Variants in ZFP3 observed in about 807,000 individuals in gnomAD.
The protein encoded by ZFP3 is ZFP3 zinc finger protein, also known as zinc finger protein 3 homolog.
Under a neutral mutation model 36.7 loss-of-function variants are expected in ZFP3, and 18 were observed. The ratio of observed to expected loss-of-function variants is 0.49; its 90% CI spans 0.34 to 0.73. The LOEUF (loss-of-function observed/expected upper bound fraction) is 0.73, where lower values mean the gene tolerates loss of function less well. ZFP3 is among the 30% of genes least tolerant of loss of function. The probability of loss-of-function intolerance (pLI) is 0.01; values close to 1 mark genes in which losing one functional copy is unlikely to be tolerated. For missense variants in ZFP3, 495 were observed against 599.0 expected (o/e 0.83, Z 1.81); for synonymous variants, 218 against 199.0 (o/e 1.10, Z -0.81).
chr17:5,082,820 C>T (rs1248059444), intron 1 of ZFP3, among the ~76,000 whole-genome samples: 3 of 152,092 alleles, frequency 2.0e-5, no homozygotes, highest in African/African-American at 7.2e-5. Flanking sequence ...GTGCCCAGTC[C>T]CAACAGAATT....
At position 5,094,564 on chromosome 17, in the gene ZFP3, T is replaced by C. The variant is rs1011861933; in HGVS notation, c.*1551T>C. 1 of 167,088 alleles carries C rather than the reference T, an allele frequency of 6.0e-6. No homozygotes were observed. Among genetic ancestry groups the C allele is most frequent in the Non-Finnish European group, 1.5e-5 (1 of 68,110 alleles). 10.4% of individuals were successfully genotyped at this position (167,088 alleles called of 1,614,324 possible). On this transcript the variant is annotated 3_prime_UTR_variant, in exon 2 of 2. Transcript: ENST00000318833. ...CACCTGCTGGTCTCCAATTTTCTCC[T>C]CTGTAAAATGAAAGAGTTGAACTAA...
Position 5,093,174 on chromosome 17 carries a change from ACT to A in ZFP3, c.*162_*163del, listed in dbSNP as rs1491152236. ...AATAGTTGGTTGAAGAAGATGAGGC[ACT>A]TTTTTTTTTTTTTTTTTAAGCATTG... On this transcript the variant is annotated 3_prime_UTR_variant, in exon 2 of 2. Transcript: ENST00000318833. The A allele has an allele frequency of 1.4e-5, 8 of 552,648 alleles. No individual in the cohort carries two copies. Among genetic ancestry groups the A allele is most frequent in the Non-Finnish European group, 2.1e-5 (8 of 379,632 alleles). 34.2% of individuals were successfully genotyped at this position (552,648 alleles called of 1,614,324 possible). A position where few individuals can be genotyped will look rare whatever the true frequency, so the allele number is the denominator to read the frequency against.
chr17:5,087,546 G>T (rs536442451), intron 1 of ZFP3, among the ~76,000 whole-genome samples: 4 of 152,036 alleles, frequency 2.6e-5, no homozygotes, highest in African/African-American at 7.3e-5. Flanking sequence ...CTCAAATTAG[G>T]ATAATTTGAG....
At position 5,092,647 on chromosome 17, in the gene ZFP3, T is replaced by C; in HGVS notation, c.1143T>C (p.Leu381=). 3 of 1,614,140 alleles carry C rather than the reference T, an allele frequency of 1.9e-6. No homozygotes were observed. Among genetic ancestry groups the C allele is most frequent in the Non-Finnish European group, 2.5e-6 (3 of 1,180,016 alleles). Residue 381 remains leucine, a synonymous_variant, in exon 2 of 2, where the codon CTT becomes CTC. Coordinates refer to ENST00000318833, the MANE Select transcript of ZFP3 (RefSeq NM_153018.3). This position sits in a 1 kb window ranked among gnomAD's most constrained non-coding sequence, Gnocchi z 5.0. ...CCTTCAGGGGGAACTCAGAACTTCT[T>C]AGACATGAGAGAATTCACACTGGAG... The part of the protein sequence containing the change: ...GKAFRGNSEL[L]RHERIHTGEK...
intron 1 of ZFP3, among the ~76,000 whole-genome samples, chr17:5,082,080 C>T (rs1286752080): frequency 6.7e-6 from 1 of 149,222 alleles, no homozygotes; most frequent in Non-Finnish European, 1.5e-5. Context: ...GGGCACGGTG[C>T]CTCACGCCTG....
rs9898284 is a variant in ZFP3 at position 5,094,933 on chromosome 17, G to C, written c.*1920G>C. 10,630 of 167,138 alleles carry C rather than the reference G, an allele frequency of 0.064. 344 individuals carry two copies. Among genetic ancestry groups the C allele is most frequent in the Admixed American group, 0.095 (1,453 of 15,296 alleles). 10.4% of individuals were successfully genotyped at this position (167,138 alleles called of 1,614,324 possible). A position where few individuals can be genotyped will look rare whatever the true frequency, so the allele number is the denominator to read the frequency against. On this transcript the variant is annotated 3_prime_UTR_variant, in exon 2 of 2. Coordinates refer to ENST00000318833, the MANE Select transcript of ZFP3 (RefSeq NM_153018.3). Reference sequence around the variant, plus strand: ...ACCCCAATTTAAAAGATAAGAAGGGGCAGTGTTAAGTAATTGACCCATGAT... The same window carrying C: ...ACCCCAATTTAAAAGATAAGAAGGGCCAGTGTTAAGTAATTGACCCATGAT...
chr17:5,082,407 A>G (rs2072098674), intron 1 of ZFP3, among the ~76,000 whole-genome samples: 1 of 152,188 alleles, frequency 6.6e-6, no homozygotes, highest in Non-Finnish European at 1.5e-5. Flanking sequence ...CCTTAAGGTT[A>G]CCATGGTGCA....
chr17:5,096,218 C>T lies in ZFP3; in HGVS notation c.*3205C>T, dbSNP rs1349755924. 1 of 166,960 alleles carries T rather than the reference C, an allele frequency of 6.0e-6. No homozygotes were observed. Among genetic ancestry groups the T allele is most frequent in the Non-Finnish European group, 1.5e-5 (1 of 68,102 alleles). 10.3% of individuals were successfully genotyped at this position (166,960 alleles called of 1,614,324 possible). A position where few individuals can be genotyped will look rare whatever the true frequency, so the allele number is the denominator to read the frequency against. On this transcript the variant is annotated 3_prime_UTR_variant, in exon 2 of 2. Coordinates refer to ENST00000318833, the MANE Select transcript of ZFP3 (RefSeq NM_153018.3). ...CTTAATTTTAGACCCATTAAAAAAC[C>T]GCACAGGCCTCAATCTTAAAAGTCC...
At chr17:5,091,402 G>A (rs1020019978) in intron 1 of ZFP3, 95 bp from the exon 2 acceptor site, 49 of 1,307,244 alleles carry the variant, frequency 3.7e-5, no homozygotes, top group Admixed American at 1.2e-4. Flanking sequence ...GTTTCTGAGT[G>A]CTATGAGAAC....
In ZFP3 at chr17:5,091,896, C is replaced by T; in HGVS notation, c.392C>T (p.Thr131Ile). Residue 131 changes from threonine to isoleucine, a missense_variant, in exon 2 of 2, where the codon ACA (threonine) becomes ATA (isoleucine). By Grantham distance (89) the Thr-to-Ile change is moderately conservative. Transcript: ENST00000318833. Reference protein sequence around the residue: ...NFLEILESNKTQRSSVGEKPH... With the variant: ...NFLEILESNKIQRSSVGEKPH... ...CTAGAGATTTTAGAATCTAACAAAA[C>T]ACAGAGAAGTTCTGTGGGAGAAAAG... The T allele has an allele frequency of 1.2e-6, 2 of 1,614,172 alleles. No homozygotes were observed. The highest frequency in any genetic ancestry group is 1.7e-6 in the Non-Finnish European group (2 of 1,180,036).
At chr17:5,086,724 C>CTTTTTTTTTTTTTTTTT in intron 1 of ZFP3, among the ~76,000 whole-genome samples, 1 of 110,660 alleles carries the variant, frequency 9.0e-6, no homozygotes, top group Non-Finnish European at 1.8e-5. Context: ...CATTTTCTTT[C>CTTTTTTTTTTTTTTTTT]TTTTTTTTTT....
At chr17:5,081,692 C>T (rs914350868) in intron 1 of ZFP3, among the ~76,000 whole-genome samples, 1 of 151,508 alleles carries the variant, frequency 6.6e-6, no homozygotes, top group Admixed American at 6.6e-5. Context: ...AGCTCTGCCT[C>T]CCGGGTTCAC....
In ZFP3 at chr17:5,091,493, T is replaced by G; in HGVS notation, c.-8-4T>G. On this transcript the variant is annotated splice_region_variant and splice_polypyrimidine_tract_variant and intron_variant, in intron 1 of 1. Coordinates refer to ENST00000318833, the MANE Select transcript of ZFP3 (RefSeq NM_153018.3). ...CCTTCACATACTTACCTCTCTCATT[T>G]CAGATTGTGAGATGGGGACTGAGAA... The G allele has an allele frequency of 6.2e-7, 1 of 1,611,554 alleles. No homozygotes were observed.
chr17:5,092,140 T>C lies in ZFP3; in HGVS notation c.636T>C (p.Leu212=). The C allele has an allele frequency of 3.7e-6, 6 of 1,614,194 alleles. No homozygotes were observed. The highest frequency in any genetic ancestry group is 3.4e-6 in the Non-Finnish European group (4 of 1,180,038). The change falls in exon 2 of 2, where the codon CTT becomes CTC. Residue 212 remains leucine, a synonymous_variant. Coordinates refer to ENST00000318833, the MANE Select transcript of ZFP3 (RefSeq NM_153018.3). This position sits in a 1 kb window ranked among gnomAD's most constrained non-coding sequence, Gnocchi z 5.0. ...CGKAFIQSSH[L]IHHHRIHTGE... ...AGGCCTTCATTCAGAGTTCACACCTTATTCACCATCATAGAATTCATACTG... is the reference window on the plus strand; with the variant it reads ...AGGCCTTCATTCAGAGTTCACACCTCATTCACCATCATAGAATTCATACTG...
chr17:5,090,488 C>T (rs1160023610), intron 1 of ZFP3, among the ~76,000 whole-genome samples: 1 of 152,140 alleles, frequency 6.6e-6, no homozygotes, highest in Non-Finnish European at 1.5e-5. Flanking sequence ...GAGCCAAAGG[C>T]GGTACTTCTG....
In ZFP3 at chr17:5,092,090, C is replaced by A; in HGVS notation, c.586C>A (p.Pro196Thr). The part of the protein sequence containing the change: ...RHLRIHAGEK[P>T]FACNECGKAF... ...CCTGAGAATTCATGCTGGAGAAAAACCCTTTGCTTGTAATGAATGTGGAAA... is the reference window on the plus strand; with the variant it reads ...CCTGAGAATTCATGCTGGAGAAAAAACCTTTGCTTGTAATGAATGTGGAAA... Residue 196 changes from proline to threonine, a missense_variant, in exon 2 of 2, where the codon CCC becomes ACC. Pro to Thr is a conservative substitution (Grantham distance 38). Coordinates refer to ENST00000318833, the MANE Select transcript of ZFP3 (RefSeq NM_153018.3). The surrounding 1 kb of genome is among the most constrained non-coding windows in gnomAD (Gnocchi z 5.0). 1 of 1,614,184 alleles carries A rather than the reference C, an allele frequency of 6.2e-7. No individual in the cohort carries two copies. The highest frequency in any genetic ancestry group is 2.2e-5 in the East Asian group (1 of 44,890).
rs1435886274 is a variant in ZFP3 at position 5,091,640 on chromosome 17, A to G, written c.136A>G (p.Met46Val). 6.2e-7 allele frequency: 1 copy of G among 1,614,234 alleles called. No individual in the cohort carries two copies. Residue 46 changes from methionine (M) to valine (V), a missense_variant, in exon 2 of 2, where the codon ATG becomes GTG. Physicochemically the swap from Met to Val is conservative, Grantham distance 21. This residue lies in a region of ZFP3 where 229 missense variants were observed against 233.8 expected (regional missense o/e 0.98). Coordinates refer to ENST00000318833, the MANE Select transcript of ZFP3 (RefSeq NM_153018.3). Reference protein sequence around the residue: ...HEFGAGCEEDMLEGHSRESME... With the variant: ...HEFGAGCEEDVLEGHSRESME... The stretch of plus-strand genomic sequence containing the variant: ...GTTTGGAGCAGGATGTGAAGAAGAC[A>G]TGTTGGAGGGACATTCGAGAGAGTC...
At chr17:5,084,392 C>T (rs1567748484) in intron 1 of ZFP3, among the ~76,000 whole-genome samples, 2 of 123,644 alleles carry the variant, frequency 1.6e-5, no homozygotes, top group Middle Eastern at 7.6e-3. Context: ...TCTCCTGCCT[C>T]AGCCTCCCAA....
intron 1 of ZFP3, among the ~76,000 whole-genome samples, chr17:5,086,724 C>CTTTTTTT (rs5819008): frequency 6.3e-5 from 7 of 110,668 alleles, no homozygotes; most frequent in East Asian, 2.3e-4. Flanking sequence ...CATTTTCTTT[C>CTTTTTTT]TTTTTTTTTT....
Sources: allele counts gnomAD v4.1 joint callset (sites outside exome capture counted in the v4.1 genomes callset), GRCh38; gene constraint gnomAD v4.1.1; regional missense constraint gnomAD v4.1.1; non-coding constraint Gnocchi (gnomAD v3.1); transcripts MANE v1.5; gene names NCBI Gene and HGNC (gene_info 2026-07-23, HGNC 2026-07-21).